PIK3C2A: variants seen among roughly 807,000 people sequenced by gnomAD.
The protein encoded by PIK3C2A is phosphatidylinositol-4-phosphate 3-kinase catalytic subunit type 2 alpha.
A neutral mutation model predicts 204.5 loss-of-function variants in PIK3C2A; 97 were observed. That is an observed-to-expected ratio of 0.47 (90% CI 0.40 to 0.56). The LOEUF (loss-of-function observed/expected upper bound fraction) is 0.56, where lower values mean the gene tolerates loss of function less well. Among genes scored for constraint, PIK3C2A ranks in the 20% least tolerant of loss-of-function variants. PIK3C2A has a pLI of 0.00. For synonymous variants in PIK3C2A, 653 were observed against 664.4 expected (o/e 0.98, Z 0.26); for missense variants, 1,735 against 1,969.2 (o/e 0.88, Z 2.25).
rs186277689 is a variant in PIK3C2A at position 17,167,421 on chromosome 11, G to A, written c.1065+1256C>T. Among the ~76,000 whole-genome samples, 821 of 152,162 alleles carry A rather than the reference G, an allele frequency of 5.4e-3. 5 individuals are homozygous for A. The highest frequency in any genetic ancestry group is 9.8e-3 in the Non-Finnish European group (669 of 68,008). The stretch of plus-strand genomic sequence containing the variant: ...GCTGATCACCTGAGGTCGGGAGTTC[G>A]AGACCAGCCTGACTAACATGGAGAA... On this transcript the variant is annotated intron_variant, in intron 2 of 32. Coordinates refer to ENST00000691414, the MANE Select transcript of PIK3C2A (RefSeq NM_002645.4).
At chr11:17,143,625 A>T (rs1590957523) in intron 8 of PIK3C2A, among the ~76,000 whole-genome samples, 1 of 38 alleles carries the variant, frequency 0.026, no homozygotes, top group African/African-American at 0.083. Context: ...GAATATGTTA[A>T]AAAAAAAAAA....
chr11:17,155,473 C>G, intron 3 of PIK3C2A, 53 bp downstream of exon 3: 1 of 968,334 alleles, frequency 1.0e-6, no homozygotes, highest in Non-Finnish European at 1.6e-6. Context: ...TAGCACTAAA[C>G]TGGTTTTCAA....
intron 26 of PIK3C2A, 111 bp from the exon 27 acceptor site, chr11:17,097,375 T>C: frequency 4.4e-6 from 3 of 674,700 alleles, no homozygotes; most frequent in South Asian, 1.9e-5. Flanking sequence ...ATTAAGCAGA[T>C]TGTCACTTTG....
intron 32 of PIK3C2A, among the ~76,000 whole-genome samples, chr11:17,091,055 TTTTAAAA>T (rs1363045268): frequency 1.3e-5 from 2 of 151,936 alleles, no homozygotes; most frequent in Middle Eastern, 3.2e-3. Context: ...CCTTAAAATG[TTTTAAAA>T]TTTAAAATCT....
chr11:17,169,291 T>C lies in PIK3C2A; in HGVS notation c.451A>G (p.Thr151Ala), dbSNP rs376379926. ...GGATAAATAGAAGGTAAAGCATAAG[T>C]GGAAGGCCCAGGTAATCCAGGTGGC... ...QWPPGLPGPS[T>A]YALPSIYPST... Residue 151 changes from threonine to alanine, a missense_variant, in exon 2 of 33, where the codon ACT becomes GCT. By Grantham distance (58) the Thr-to-Ala change is moderately conservative (BLOSUM62 0). Transcript: ENST00000691414. 1 of 1,614,148 alleles carries C rather than the reference T, an allele frequency of 6.2e-7. No individual in the cohort carries two copies. The highest frequency in any genetic ancestry group is 8.5e-7 in the Non-Finnish European group (1 of 1,179,990).
At chr11:17,143,932 G>A (rs1489661169) in intron 8 of PIK3C2A, among the ~76,000 whole-genome samples, 1 of 151,776 alleles carries the variant, frequency 6.6e-6, no homozygotes. Flanking sequence ...GTAAGACTCT[G>A]TCTCAAAAAA....
At chr11:17,124,024 C>T (rs139148028) in intron 13 of PIK3C2A, among the ~76,000 whole-genome samples, 1 of 151,540 alleles carries the variant, frequency 6.6e-6, no homozygotes, top group African/African-American at 2.4e-5. Context: ...TCTTTGATAC[C>T]TTATAATCCA....
intron 1 of PIK3C2A, among the ~76,000 whole-genome samples, chr11:17,181,056 G>GTTTACTTATTACTGACTTATTATA (rs1851532943): frequency 1.3e-5 from 2 of 152,096 alleles, no homozygotes; most frequent in African/African-American, 4.8e-5. Context: ...AAAGGGAAGA[G>GTTTACTTATTACTGACTTATTATA]ATGCATAGGG....
intron 1 of PIK3C2A, among the ~76,000 whole-genome samples, chr11:17,200,981 G>A (rs899722175): frequency 1.3e-4 from 20 of 151,390 alleles, no homozygotes; most frequent in South Asian, 6.2e-4. Context: ...AGATGTGGGC[G>A]GATCACTTCA....
At chr11:17,131,889 G>A (rs1849707527) in intron 12 of PIK3C2A, 27 bp downstream of exon 12, 1 of 1,589,238 alleles carries the variant, frequency 6.3e-7, no homozygotes, top group African/African-American at 1.4e-5. Flanking sequence ...CACACTGAAA[G>A]AATAAAAAGC....
chr11:17,107,287 T>C (rs1321442344), intron 22 of PIK3C2A, among the ~76,000 whole-genome samples: 1 of 152,042 alleles, frequency 6.6e-6, no homozygotes, highest in Non-Finnish European at 1.5e-5. Flanking sequence ...CACTCCAGCC[T>C]GGGCAACAGT....
At chr11:17,145,081 C>G (rs1381760921) in intron 8 of PIK3C2A, among the ~76,000 whole-genome samples, 1 of 152,056 alleles carries the variant, frequency 6.6e-6, no homozygotes, top group Non-Finnish European at 1.5e-5. Context: ...TTTGATTTTA[C>G]AGGCTCATAG....
At chr11:17,107,130 G>A (rs1848848373) in intron 22 of PIK3C2A, among the ~76,000 whole-genome samples, 2 of 152,164 alleles carry the variant, frequency 1.3e-5, no homozygotes, top group South Asian at 2.1e-4. Flanking sequence ...TGGCTAACAT[G>A]GTGAAACCCC....
At chr11:17,108,411 G>C (rs1316438751) in intron 22 of PIK3C2A, among the ~76,000 whole-genome samples, 1 of 152,086 alleles carries the variant, frequency 6.6e-6, no homozygotes. Context: ...GGCCGGCCTC[G>C]ACAACATAGT....
intron 8 of PIK3C2A, among the ~76,000 whole-genome samples, chr11:17,137,423 C>CTTTTTTTTT (rs33912263): frequency 0.49 from 61,098 of 124,622 alleles, 16,773 homozygotes; most frequent in African/African-American, 0.61. Context: ...ATTACTTTGC[C>CTTTTTTTTT]TTTTTTTTTG....
chr11:17,168,580 TAA>T, intron 2 of PIK3C2A, 95 bp downstream of exon 2: 1 of 948,738 alleles, frequency 1.1e-6, no homozygotes, highest in Non-Finnish European at 1.6e-6. Flanking sequence ...GACTCCTTCT[TAA>T]AAACAAAAAC....
intron 1 of PIK3C2A, among the ~76,000 whole-genome samples, chr11:17,184,173 A>G (rs1851666755): frequency 6.6e-6 from 1 of 151,872 alleles, no homozygotes; most frequent in African/African-American, 2.4e-5. Flanking sequence ...ACTCCTAGTA[A>G]TATTTCCTAT....
At chr11:17,189,812 CAAAAAAAAA>C (rs759869051) in intron 1 of PIK3C2A, among the ~76,000 whole-genome samples, 11,272 of 60,634 alleles carry the variant, frequency 0.19, 1,240 homozygotes, top group African/African-American at 0.43. Flanking sequence ...GGCTCTGTCT[CAAAAAAAAA>C]AAAAAAAAAA....
intron 1 of PIK3C2A, among the ~76,000 whole-genome samples, chr11:17,206,750 C>T (rs1852593919): frequency 6.6e-6 from 1 of 152,180 alleles, no homozygotes; most frequent in African/African-American, 2.4e-5. Context: ...TATGTCTTCA[C>T]CGTTCCCCTA....
Sources: allele counts gnomAD v4.1 joint callset (sites outside exome capture counted in the v4.1 genomes callset), GRCh38; gene constraint gnomAD v4.1.1; transcripts MANE v1.5; gene names NCBI Gene and HGNC (gene_info 2026-07-23, HGNC 2026-07-21).